FMO3: variants seen among roughly 807,000 people sequenced by gnomAD.
The protein encoded by FMO3 is flavin containing dimethylaniline monoxygenase 3, also known as flavin-containing monooxygenase 3.
A neutral mutation model predicts 39.4 loss-of-function variants in FMO3; 40 were observed. The ratio of observed to expected loss-of-function variants is 1.02; its 90% confidence interval spans 0.79 to 1.32. The LOEUF (loss-of-function observed/expected upper bound fraction) is 1.32. FMO3 is among the 40% of genes most tolerant of loss of function. The pLI, the probability that FMO3 is intolerant of heterozygous loss-of-function variation, is 0.00. For missense variants in FMO3, 680 were observed against 651.8 expected, an observed-to-expected ratio of 1.04 and a Z score of -0.47; for synonymous variants, 219 against 228.8, an observed-to-expected ratio of 0.96 and a Z score of 0.39.
chr1:171,093,916 C>G (rs1356129970), intron 2 of FMO3, among the ~76,000 whole-genome samples: 1 of 146,840 alleles, frequency 6.8e-6, no homozygotes, highest in Non-Finnish European at 1.5e-5. Context: ...TTCACTGCAG[C>G]CTCCACCTCC....
chr1:171,096,288 A>G (rs1223526829), intron 2 of FMO3, among the ~76,000 whole-genome samples: 1 of 57,402 alleles, frequency 1.7e-5, no homozygotes, highest in Non-Finnish European at 2.8e-5. Context: ...TATATATTAT[A>G]TATCTATTAT....
At chr1:171,092,938 G>A (rs188701984) in intron 2 of FMO3, 148 bp downstream of exon 2, 321 of 869,742 alleles carry the variant, frequency 3.7e-4, no homozygotes, top group Admixed American at 1.4e-3. Context: ...GTCAAGAGCA[G>A]GTTGGAAAGT....
At chr1:171,105,263 T>C (rs903642017) in intron 3 of FMO3, among the ~76,000 whole-genome samples, 2 of 152,186 alleles carry the variant, frequency 1.3e-5, no homozygotes, top group African/African-American at 2.4e-5. Context: ...GAAAATGAGA[T>C]ATGATTTCCA....
intron 2 of FMO3, among the ~76,000 whole-genome samples, chr1:171,094,197 A>G (rs1033699179): frequency 6.6e-6 from 1 of 151,686 alleles, no homozygotes; most frequent in African/African-American, 2.4e-5. Flanking sequence ...TTTAATTTGC[A>G]TTTTCTCTGG....
chr1:171,091,798 G>A (rs1413982716), intron 1 of FMO3, among the ~76,000 whole-genome samples: 1 of 152,162 alleles, frequency 6.6e-6, no homozygotes, highest in Non-Finnish European at 1.5e-5. Flanking sequence ...TTATTGATGG[G>A]GAGAAGGGGT....
intron 7 of FMO3, 36 bp downstream of exon 7, chr1:171,114,398 G>C: frequency 7.2e-7 from 1 of 1,386,756 alleles, no homozygotes; most frequent in African/African-American, 1.4e-5. Context: ...TTGCGAAGAT[G>C]AATGCCAGTG....
Position 171,117,118 on chromosome 1 carries a change from C to T in FMO3, c.1275C>T (p.Thr425=), listed in dbSNP as rs1029309565. 22 of 1,614,040 alleles carry T rather than the reference C, an allele frequency of 1.4e-5. No homozygotes were observed. The highest frequency in any genetic ancestry group is 1.9e-5 in the Non-Finnish European group (22 of 1,179,916). ...TCTCCAGGTTTGGCAAAAGCGAGAC[C>T]ATACAGACAGATTACATTGTTTATA... ...KKRKWFGKSE[T]IQTDYIVYMD... is the part of the protein sequence containing the mutation. Residue 425 remains threonine (T), a synonymous_variant, in exon 9 of 9, where the codon ACC becomes ACT. Transcript: ENST00000367755.
chr1:171,099,726 C>T (rs1236607974), intron 2 of FMO3: 3 of 147,610 alleles, frequency 2.0e-5, no homozygotes, highest in Non-Finnish European at 3.0e-5. Flanking sequence ...GTTGCCATTT[C>T]ACCAAGTGGC....
At chr1:171,091,597 A>C (rs35849478) in intron 1 of FMO3, among the ~76,000 whole-genome samples, 90,055 of 150,122 alleles carry the variant, frequency 0.6, 27,670 homozygotes, top group African/African-American at 0.75. Flanking sequence ...TCTTTCCCCA[A>C]CACCCCCCGG....
At chr1:171,103,001 T>C (rs1025449651) in intron 2 of FMO3, among the ~76,000 whole-genome samples, 1 of 152,180 alleles carries the variant, frequency 6.6e-6, no homozygotes, top group Non-Finnish European at 1.5e-5. Context: ...GGTTAATTTT[T>C]TAAAAATTAG....
At chr1:171,109,415 C>T (rs1655796499) in intron 5 of FMO3, among the ~76,000 whole-genome samples, 1 of 150,868 alleles carries the variant, frequency 6.6e-6, no homozygotes, top group Non-Finnish European at 1.5e-5. Flanking sequence ...TTATGATGAA[C>T]TCATAGTTTT....
Position 171,096,630 on chromosome 1 carries a change from A to C in FMO3, c.132+3840A>C, listed in dbSNP as rs192045829. Among the ~76,000 whole-genome samples, 872 of 125,566 alleles carry C rather than the reference A, an allele frequency of 6.9e-3. 15 individuals carry two copies. The highest frequency in any genetic ancestry group is 0.03 in the Middle Eastern group (7 of 234). 82.4% of individuals were successfully genotyped at this position (125,566 alleles called of 152,430 possible). ...ATATATTAAATACATAATATACTTT[A>C]TATATTAAATACATAATATATTTTA... is the stretch of plus-strand genomic sequence containing the variant. On this transcript the variant is annotated intron_variant, in intron 2 of 8. Transcript: ENST00000367755.
At chr1:171,098,126 C>T (rs1392328681) in intron 2 of FMO3, among the ~76,000 whole-genome samples, 1 of 152,092 alleles carries the variant, frequency 6.6e-6, no homozygotes, top group Non-Finnish European at 1.5e-5. Context: ...TTTCTGAGGG[C>T]TCTGTTCTGT....
rs142824160 is a variant in FMO3 at position 171,114,254 on chromosome 1, C to G, written c.1075C>G (p.Pro359Ala). The G allele has an allele frequency of 6.2e-7, 1 of 1,613,950 alleles. No individual in the cohort carries two copies. The highest frequency in any genetic ancestry group is 8.5e-7 in the Non-Finnish European group (1 of 1,179,938). ...CATTTTATTTAAAGGAGTATTTCCT[C>G]CTCTACTTGAGAAGTCAACCATAGC... ...EIILFKGVFP[P>A]LLEKSTIAVI... Residue 359 changes from proline to alanine, a missense_variant, in exon 7 of 9, where the codon CCT (proline) becomes GCT (alanine). By Grantham distance (27) the Pro-to-Ala change is conservative. Coordinates refer to ENST00000367755, the MANE Select transcript of FMO3 (RefSeq NM_001002294.3).
intron 2 of FMO3, chr1:171,100,161 A>T (rs1253565935): frequency 6.6e-6 from 1 of 152,182 alleles, no homozygotes; most frequent in Admixed American, 6.5e-5. Flanking sequence ...CTGAAGATAG[A>T]ACGCACTGCT....
In FMO3 at chr1:171,117,452, T is replaced by G; in HGVS notation, c.*10T>G. 6.2e-7 allele frequency: 1 copy of G among 1,609,198 alleles called. No individual in the cohort carries two copies. Among genetic ancestry groups the G allele is most frequent in the South Asian group, 1.1e-5 (1 of 90,968 alleles). On this transcript the variant is annotated 3_prime_UTR_variant, in exon 9 of 9. Transcript: ENST00000367755. ...CCTTGTGTTGACCTAATCATCATTT[T>G]CTCTAGGATTTCTGAAAGTTACTGA...
intron 2 of FMO3, among the ~76,000 whole-genome samples, chr1:171,096,128 T>TA (rs1655021204): frequency 1.4e-5 from 1 of 69,200 alleles, no homozygotes; most frequent in Admixed American, 2.5e-4. Context: ...ATTAATAATA[T>TA]AGTAATTATT....
At chr1:171,101,311 A>G in intron 2 of FMO3, 1 of 434,022 alleles carries the variant, frequency 2.3e-6, no homozygotes, top group Non-Finnish European at 4.6e-6. Flanking sequence ...CTTTGTGGTA[A>G]TTTATTACAG....
chr1:171,103,186 G>A (rs1381031121), intron 2 of FMO3, among the ~76,000 whole-genome samples: 2 of 152,018 alleles, frequency 1.3e-5, no homozygotes, highest in Non-Finnish European at 2.9e-5. Flanking sequence ...GGGAATGAAA[G>A]GATTCTAGTT....
Sources: allele counts gnomAD v4.1 joint callset (sites outside exome capture counted in the v4.1 genomes callset), GRCh38; gene constraint gnomAD v4.1.1; transcripts MANE v1.5; gene names NCBI Gene and HGNC (gene_info 2026-07-23, HGNC 2026-07-21).